Variants in CREG2 observed in about 807,000 individuals in gnomAD.
CREG2 encodes cellular repressor of E1A stimulated genes 2, also known as protein CREG2.
CREG2 carries 24 observed loss-of-function variants against 26.2 expected under a neutral mutation model. The ratio of observed to expected loss-of-function variants is 0.92; its 90% confidence interval spans 0.66 to 1.29. The LOEUF (loss-of-function observed/expected upper bound fraction) is 1.29. CREG2 is among the 50% of genes most tolerant of loss of function. CREG2 has a pLI of 0.00. For missense variants in CREG2, 366 were observed against 398.6 expected (o/e 0.92, Z 0.70); for synonymous variants, 174 against 169.2 (o/e 1.03, Z -0.22).
intron 3 of CREG2, among the ~76,000 whole-genome samples, chr2:101,351,893 T>A (rs539377574): frequency 9.3e-5 from 14 of 150,546 alleles, no homozygotes; most frequent in South Asian, 2.1e-4. Flanking sequence ...TATTAAAAAA[T>A]TTTTTTTTTA....
chr2:101,353,902 G>C (rs999962899), intron 3 of CREG2, among the ~76,000 whole-genome samples: 2 of 152,168 alleles, frequency 1.3e-5, no homozygotes, highest in Non-Finnish European at 2.9e-5. Context: ...ACTCATAAGT[G>C]GGAGTTGAAC....
At chr2:101,378,524 T>C (rs1318389002) in intron 2 of CREG2, among the ~76,000 whole-genome samples, 1 of 152,206 alleles carries the variant, frequency 6.6e-6, no homozygotes, top group African/African-American at 2.4e-5. Flanking sequence ...TAACAGTCTA[T>C]GTAGAAATCT....
At chr2:101,368,518 C>A (rs1351544062) in intron 2 of CREG2, among the ~76,000 whole-genome samples, 1 of 152,142 alleles carries the variant, frequency 6.6e-6, no homozygotes, top group African/African-American at 2.4e-5. Context: ...TGGTCCTGGC[C>A]TCTGGGGAGC....
At chr2:101,381,750 G>A (rs1488253976) in intron 2 of CREG2, among the ~76,000 whole-genome samples, 2 of 152,156 alleles carry the variant, frequency 1.3e-5, no homozygotes, top group Non-Finnish European at 2.9e-5. Context: ...CCTTGGCCCC[G>A]GGGTGCTCAC....
chr2:101,383,496 C>A, intron 2 of CREG2, 37 bp downstream of exon 2: 2 of 1,610,090 alleles, frequency 1.2e-6, no homozygotes, highest in South Asian at 1.1e-5. Flanking sequence ...CAAAAACTTC[C>A]CAGGACCCGT....
chr2:101,368,043 C>T (rs957858485), intron 2 of CREG2, among the ~76,000 whole-genome samples: 3 of 152,168 alleles, frequency 2.0e-5, no homozygotes, highest in African/African-American at 4.8e-5. Flanking sequence ...AATCCCAGCA[C>T]TTTGGGAGGC....
Position 101,350,916 on chromosome 2 carries a change from C to G in CREG2, c.*7G>C. On this transcript the variant is annotated 3_prime_UTR_variant, in exon 4 of 4. Transcript: ENST00000324768. ...GTGCAAACACCAAGGACTTTCTTCT[C>G]ACTCCATCAGGCCTTTCTGGGAACT... The G allele has an allele frequency of 6.2e-7, 1 of 1,613,782 alleles. No homozygotes were observed. Among genetic ancestry groups the G allele is most frequent in the Middle Eastern group, 1.7e-4 (1 of 6,054 alleles).
chr2:101,373,700 A>G (rs1054267607), intron 2 of CREG2, among the ~76,000 whole-genome samples: 1 of 152,210 alleles, frequency 6.6e-6, no homozygotes, highest in African/African-American at 2.4e-5. Flanking sequence ...AACCACAGAG[A>G]CAAAGCTCAA....
chr2:101,378,132 G>A (rs748083995), intron 2 of CREG2, among the ~76,000 whole-genome samples: 2 of 151,994 alleles, frequency 1.3e-5, no homozygotes, highest in South Asian at 2.1e-4. Context: ...CCCCTCTCTC[G>A]CCTGGTCCCT....
rs1169600646 is a variant in CREG2, at chr2:101,349,774, C to T, written c.*1149G>A. On this transcript the variant is annotated 3_prime_UTR_variant, in exon 4 of 4. Transcript: ENST00000324768. ...TTTTTCCAAAAGCAAGAAACATCAT[C>T]TCCAGGCAAGCTAGTCCTTCTTTTT... The T allele has an allele frequency of 1.3e-5, 2 of 151,890 alleles. No individual in the cohort carries two copies. The highest frequency in any genetic ancestry group is 4.2e-4 in the South Asian group (2 of 4,814). 9.4% of individuals were successfully genotyped at this position (151,890 alleles called of 1,614,324 possible).
At position 101,360,435 on chromosome 2, in the gene CREG2, T is replaced by C. The variant is rs369919540; in HGVS notation, c.612-5069A>G. Among the ~76,000 whole-genome samples, 25 of 152,150 alleles carry C rather than the reference T, an allele frequency of 1.6e-4. No individual in the cohort carries two copies. In the East Asian group the frequency reaches 4.6e-3, roughly 28 times the overall value. On this transcript the variant is annotated intron_variant, in intron 2 of 3. Transcript: ENST00000324768. ...GAAAAATATGTGCTGTGTGGCTCCA[T>C]TAAAAGAAGAAAGAAAGGGCTGGGT...
At chr2:101,385,095 GT>G (rs1684945193) in intron 1 of CREG2, among the ~76,000 whole-genome samples, 1 of 152,130 alleles carries the variant, frequency 6.6e-6, no homozygotes, top group Non-Finnish European at 1.5e-5. Flanking sequence ...TTTGTTTACG[GT>G]AACACAGATG....
chr2:101,371,596 G>A (rs1008387044), intron 2 of CREG2, among the ~76,000 whole-genome samples: 2 of 152,196 alleles, frequency 1.3e-5, no homozygotes, highest in Non-Finnish European at 2.9e-5. Flanking sequence ...GGATGGCCAG[G>A]GCCCTTCCAG....
In CREG2 at chr2:101,387,309, A is replaced by G. The variant is rs1481913621; in HGVS notation, c.149T>C (p.Leu50Pro). The G allele has an allele frequency of 4.0e-6, 6 of 1,492,850 alleles. No homozygotes were observed. In the South Asian group the frequency reaches 7.6e-5, roughly 19 times the overall value. 92.5% of individuals were successfully genotyped at this position (1,492,850 alleles called of 1,614,324 possible). Residue 50 changes from leucine (L) to proline (P), a missense_variant, in exon 1 of 4, where the codon CTG (leucine) becomes CCG (proline). Leu to Pro is a moderately conservative substitution (Grantham distance 98). This residue lies in a region of CREG2 where 177 missense variants were observed against 183.3 expected (regional missense o/e 0.97). Coordinates refer to ENST00000324768, the MANE Select transcript of CREG2 (RefSeq NM_153836.4). The surrounding 1 kb of genome is among the most constrained non-coding windows in gnomAD (Gnocchi z 4.7). ...AGCCTCCTCAGTGGAGGCGCTGTCC[A>G]GCTCCTCGTCCACCTCGTTGGTGAC... ...WAVTNEVDEELDSASTEEAMP... is the reference protein window; with the variant it reads ...WAVTNEVDEEPDSASTEEAMP...
At chr2:101,354,612 T>G (rs1247452128) in intron 3 of CREG2, among the ~76,000 whole-genome samples, 1 of 152,172 alleles carries the variant, frequency 6.6e-6, no homozygotes, top group Admixed American at 6.5e-5. Flanking sequence ...GGTCCCTGCA[T>G]GGACACCTGT....
At position 101,380,730 on chromosome 2, in the gene CREG2, T is replaced by TC. The variant is rs571700935; in HGVS notation, c.611+2802dup. 4.4e-4 allele frequency among the ~76,000 whole-genome samples: 67 copies of TC among 151,894 alleles called. No individual in the cohort carries two copies. In the South Asian group the frequency reaches 0.013, roughly 30 times the overall value. On this transcript the variant is annotated intron_variant, in intron 2 of 3. Coordinates refer to ENST00000324768, the MANE Select transcript of CREG2 (RefSeq NM_153836.4). ...GCTGAGGCAGGTGGATCACCTGAGG[T>TC]CATGAGTTCAAGACCAGCCTGACCA...
At position 101,349,965 on chromosome 2, in the gene CREG2, G is replaced by C. The variant is rs1265060344; in HGVS notation, c.*958C>G. ...CTGAGTCTAGTTTTCTTGTCTGTAA[G>C]AGCCAATGATGACGTGCATCTCATT... is the stretch of plus-strand genomic sequence containing the variant. On this transcript the variant is annotated 3_prime_UTR_variant, in exon 4 of 4. Coordinates refer to ENST00000324768, the MANE Select transcript of CREG2 (RefSeq NM_153836.4). 1 of 152,234 alleles carries C rather than the reference G, an allele frequency of 6.6e-6. No homozygotes were observed. Among genetic ancestry groups the C allele is most frequent in the Non-Finnish European group, 1.5e-5 (1 of 68,050 alleles). 9.4% of individuals were successfully genotyped at this position (152,234 alleles called of 1,614,324 possible). A position where few individuals can be genotyped will look rare whatever the true frequency, so the allele number is the denominator to read the frequency against.
chr2:101,356,427 C>A (rs1460791585), intron 2 of CREG2, among the ~76,000 whole-genome samples: 2 of 152,222 alleles, frequency 1.3e-5, no homozygotes, highest in Non-Finnish European at 2.9e-5. Context: ...TCAGAGGGAA[C>A]AATGTTTCAG....
intron 2 of CREG2, chr2:101,382,038 T>G (rs1358088448): frequency 6.6e-6 from 1 of 152,254 alleles, no homozygotes; most frequent in Non-Finnish European, 1.5e-5. Flanking sequence ...TGCCGCAGCT[T>G]TGTCCCAAGT....
Sources: allele counts gnomAD v4.1 joint callset (sites outside exome capture counted in the v4.1 genomes callset), GRCh38; gene constraint gnomAD v4.1.1; regional missense constraint gnomAD v4.1.1; non-coding constraint Gnocchi (gnomAD v3.1); transcripts MANE v1.5; gene names NCBI Gene and HGNC (gene_info 2026-07-23, HGNC 2026-07-21).